The following ADAM12 variants were observed in gnomAD, a reference collection of about 807,000 sequenced individuals.
ADAM12 encodes the protein disintegrin and metalloproteinase domain-containing protein 12.
Under a neutral mutation model 106.4 loss-of-function variants are expected in ADAM12, and 70 were observed. The observed-to-expected ratio is 0.66, with a 90% CI of 0.54 to 0.80. The LOEUF (loss-of-function observed/expected upper bound fraction) is 0.80. ADAM12 is among the 30% of genes least tolerant of loss of function. The pLI is 0.00. For missense variants in ADAM12, 1,010 were observed against 1,171.9 expected, an observed-to-expected ratio of 0.86 and a Z score of 2.02; for synonymous variants, 420 against 433.5, an observed-to-expected ratio of 0.97 and a Z score of 0.39.
At chr10:126,122,226 A>G (rs890652376) in intron 5 of ADAM12, among the ~76,000 whole-genome samples, 1 of 152,218 alleles carries the variant, frequency 6.6e-6, no homozygotes, top group Non-Finnish European at 1.5e-5. Flanking sequence ...TAAGTCATCC[A>G]AAGTCCAGAT....
chr10:126,042,740 C>A (rs7920207), intron 18 of ADAM12, among the ~76,000 whole-genome samples: 48,267 of 152,122 alleles, frequency 0.32, 8,220 homozygotes, highest in Middle Eastern at 0.43. Context: ...ACAGTGATGA[C>A]ATTCATACCC....
At chr10:126,035,527 ATAT>A (rs1954043498) in intron 21 of ADAM12, among the ~76,000 whole-genome samples, 1 of 152,210 alleles carries the variant, frequency 6.6e-6, no homozygotes, top group Non-Finnish European at 1.5e-5. Context: ...TAAACAAAAA[ATAT>A]TAATAGCAGT....
At position 126,066,569 on chromosome 10, in the gene ADAM12, TA is replaced by T; in HGVS notation, c.1413+147del. 1 of 689,402 alleles carries T rather than the reference TA, an allele frequency of 1.5e-6. No individual in the cohort carries two copies. Among genetic ancestry groups the T allele is most frequent in the Non-Finnish European group, 2.5e-6 (1 of 397,076 alleles). The allele number at this position is 689,402 out of a possible 1,614,324, so 42.7% of individuals were successfully genotyped here. ...TGGAAGCTAAACAGTAAGAGGTGGG[TA>T]ACACCAACTGGCGTGAGAAGGAGGG... On this transcript the variant is annotated intron_variant, in intron 13 of 22. Transcript: ENST00000448723. This position sits in a 1 kb window ranked among gnomAD's most constrained non-coding sequence, Gnocchi z 5.1.
intron 3 of ADAM12, among the ~76,000 whole-genome samples, chr10:126,227,633 C>T (rs982545447): frequency 1.3e-5 from 2 of 152,126 alleles, no homozygotes; most frequent in Non-Finnish European, 2.9e-5. Context: ...GGCATGCTCA[C>T]GTTTGAGAAG....
intron 3 of ADAM12, among the ~76,000 whole-genome samples, chr10:126,263,026 C>A (rs1472241179): frequency 2.0e-5 from 3 of 152,212 alleles, no homozygotes; most frequent in African/African-American, 7.2e-5. Context: ...CAGCACTCAG[C>A]ACCATGTGGA....
chr10:126,298,508 A>C (rs991249601), intron 2 of ADAM12, among the ~76,000 whole-genome samples: 2 of 152,196 alleles, frequency 1.3e-5, no homozygotes, highest in East Asian at 1.9e-4. Flanking sequence ...AAAAGGCTGG[A>C]AAGTTCAGAA....
intron 3 of ADAM12, among the ~76,000 whole-genome samples, chr10:126,221,032 T>C (rs937141513): frequency 1.3e-5 from 2 of 152,236 alleles, no homozygotes; most frequent in Admixed American, 1.3e-4. Flanking sequence ...TTCTCAGTCA[T>C]GGAAGACTTC....
At chr10:126,294,301 G>C (rs1219170941) in intron 2 of ADAM12, among the ~76,000 whole-genome samples, 2 of 152,178 alleles carry the variant, frequency 1.3e-5, no homozygotes, top group African/African-American at 2.4e-5. Flanking sequence ...CCTTAACACA[G>C]ATGAATTTCA....
rs1565010942 is a variant in ADAM12 at position 126,047,761 on chromosome 10, A to G, written c.1917+1492T>C. 9.9e-5 allele frequency among the ~76,000 whole-genome samples: 15 copies of G among 152,202 alleles called. No individual in the cohort carries two copies. In the South Asian group the frequency reaches 3.1e-3, roughly 32 times the overall value. On this transcript the variant is annotated intron_variant, in intron 16 of 22. Coordinates refer to ENST00000448723, the MANE Select transcript of ADAM12 (RefSeq NM_001288973.2). ...CGTTCCTCAAAGGCCTAAAACAGAA[A>G]TTACCATTTGACCCAGCCAACCCAC...
chr10:126,387,892 G>T (rs532052547), intron 1 of ADAM12, among the ~76,000 whole-genome samples, 166 bp downstream of exon 1: 4 of 129,678 alleles, frequency 3.1e-5, no homozygotes, highest in African/African-American at 1.1e-4. Flanking sequence ...TGGCACCTGG[G>T]GGGGGGGGGT....
At chr10:126,205,733 A>G (rs529643942) in intron 3 of ADAM12, among the ~76,000 whole-genome samples, 1 of 152,238 alleles carries the variant, frequency 6.6e-6, no homozygotes, top group Non-Finnish European at 1.5e-5. Flanking sequence ...GACTTCTTGT[A>G]TCTCTGCCCT....
chr10:126,024,719 TAAAACATAGGCCA>T (rs1028166059), intron 21 of ADAM12, among the ~76,000 whole-genome samples: 10 of 151,912 alleles, frequency 6.6e-5, no homozygotes, highest in South Asian at 2.1e-4. Context: ...ACAAATCTAA[TAAAACATAGGCCA>T]ATCAAGGACA....
intron 1 of ADAM12, among the ~76,000 whole-genome samples, chr10:126,383,368 G>T (rs1367734026): frequency 6.6e-6 from 1 of 152,240 alleles, no homozygotes; most frequent in Non-Finnish European, 1.5e-5. Flanking sequence ...ATTAAAGGAT[G>T]TTTTCAGGAG....
intron 21 of ADAM12, among the ~76,000 whole-genome samples, chr10:126,023,979 A>G (rs1013682338): frequency 6.6e-6 from 1 of 152,166 alleles, no homozygotes; most frequent in African/African-American, 2.4e-5. Context: ...CAGCAGTAAC[A>G]TATCCAAAGA....
chr10:126,285,007 C>T (rs1368768501), intron 2 of ADAM12, among the ~76,000 whole-genome samples: 3 of 152,178 alleles, frequency 2.0e-5, no homozygotes, highest in Non-Finnish European at 2.9e-5. Flanking sequence ...AGATTGGAGA[C>T]TGTGCAGGCC....
At chr10:126,134,331 A>C (rs1956365797) in intron 5 of ADAM12, among the ~76,000 whole-genome samples, 1 of 152,204 alleles carries the variant, frequency 6.6e-6, no homozygotes, top group South Asian at 2.1e-4. Context: ...TGGGTGACAA[A>C]AGAAAGCCGT....
At chr10:126,219,598 T>C (rs764086804) in intron 3 of ADAM12, among the ~76,000 whole-genome samples, 3 of 152,230 alleles carry the variant, frequency 2.0e-5, no homozygotes, top group South Asian at 2.1e-4. Context: ...ATCCTTATAG[T>C]TGAACAACCT....
At chr10:126,371,683 A>G (rs547445754) in intron 1 of ADAM12, among the ~76,000 whole-genome samples, 1 of 152,344 alleles carries the variant, frequency 6.6e-6, no homozygotes, top group Admixed American at 6.5e-5. Context: ...TCAAGAGCTT[A>G]TGTGTCTGCT....
intron 6 of ADAM12, among the ~76,000 whole-genome samples, chr10:126,117,433 C>T (rs188747494): frequency 5.5e-4 from 83 of 152,292 alleles, no homozygotes; most frequent in Non-Finnish European, 8.5e-4. Flanking sequence ...TGGACGGTCC[C>T]AGGAGGGAAC....
Sources: allele counts gnomAD v4.1 joint callset (sites outside exome capture counted in the v4.1 genomes callset), GRCh38; gene constraint gnomAD v4.1.1; non-coding constraint Gnocchi (gnomAD v3.1); transcripts MANE v1.5; gene names NCBI Gene and HGNC (gene_info 2026-07-23, HGNC 2026-07-21).